The following COL10A1 variants were observed in gnomAD, a reference collection of about 807,000 sequenced individuals.
COL10A1 encodes the protein collagen alpha-1(X) chain.
Under a neutral mutation model 18.2 loss-of-function variants are expected in COL10A1, and 10 were observed. The ratio of observed to expected loss-of-function variants is 0.55; its 90% confidence interval spans 0.34 to 0.93. The LOEUF (loss-of-function observed/expected upper bound fraction) is 0.93, where lower values mean the gene tolerates loss of function less well. Among genes scored for constraint, COL10A1 ranks in the 40% least tolerant of loss-of-function variants. The probability of loss-of-function intolerance (pLI) is 0.02; values close to 1 mark genes in which losing one functional copy is unlikely to be tolerated. For synonymous variants in COL10A1, 330 were observed against 316.6 expected (o/e 1.04, Z -0.45); for missense variants, 897 against 853.5 (o/e 1.05, Z -0.64).
the COL10A1 span, among the ~76,000 whole-genome samples, chr6:116,174,782 A>T: frequency 1.3e-5 from 2 of 152,174 alleles, no homozygotes; most frequent in African/African-American, 4.8e-5. Context: ...CTACAATTCT[A>T]CCACTTGCTT....
the COL10A1 span, among the ~76,000 whole-genome samples, chr6:116,173,580 G>A: frequency 6.6e-6 from 1 of 152,122 alleles, no homozygotes; most frequent in African/African-American, 2.4e-5. Flanking sequence ...GCTCCTCAGG[G>A]TATGAGGAGC....
chr6:116,182,828 C>G, the COL10A1 span, among the ~76,000 whole-genome samples: 3 of 152,122 alleles, frequency 2.0e-5, no homozygotes, highest in East Asian at 5.8e-4. Context: ...TTTTTCCCCA[C>G]TCTGTGGGTT....
intron 1 of COL10A1, among the ~76,000 whole-genome samples, chr6:116,143,631 G>C (rs974978546): frequency 1.3e-5 from 2 of 152,170 alleles, no homozygotes; most frequent in African/African-American, 4.8e-5. Flanking sequence ...TAAGGAATGA[G>C]AGTGTGCCAT....
chr6:116,172,453 G>T, the COL10A1 span, among the ~76,000 whole-genome samples: 1 of 151,384 alleles, frequency 6.6e-6, no homozygotes, highest in South Asian at 2.1e-4. Context: ...TGCTGAGTAG[G>T]TAGGACTACA....
chr6:116,154,029 CTTT>C (rs34356532), intron 1 of COL10A1, among the ~76,000 whole-genome samples: 14 of 122,328 alleles, frequency 1.1e-4, no homozygotes, highest in Admixed American at 1.6e-4. Flanking sequence ...GGGAAGATTT[CTTT>C]TTTTTTTTTT....
Position 116,121,880 on chromosome 6 carries a change from G to T in COL10A1, c.236C>A (p.Pro79Gln). The T allele has an allele frequency of 6.2e-7, 1 of 1,614,002 alleles. No individual in the cohort carries two copies. Among genetic ancestry groups the T allele is most frequent in the South Asian group, 1.1e-5 (1 of 91,064 alleles). The change falls in exon 3 of 3, where the codon CCA becomes CAA. Residue 79 changes from proline to glutamine, a missense_variant. Pro to Gln is a moderately conservative substitution (Grantham distance 76, BLOSUM62 -1). Coordinates refer to ENST00000651968, the MANE Select transcript of COL10A1 (RefSeq NM_000493.4). ...GPRGHPGPSG[P>Q]PGKPGYGSPG... ...ACTTCCGTAGCCTGGTTTTCCTGGT[G>T]GTCCAGAAGGACCTGGGTGCCCTCG... is the stretch of plus-strand genomic sequence containing the variant.
At chr6:116,169,628 T>C in the COL10A1 span, among the ~76,000 whole-genome samples, 3 of 152,238 alleles carry the variant, frequency 2.0e-5, no homozygotes, top group Non-Finnish European at 4.4e-5. Context: ...TAGTACCTGC[T>C]ATCTGCTAAG....
chr6:116,120,253 T>G lies in COL10A1; in HGVS notation c.1863A>C (p.Val621=), dbSNP rs1779071926. Residue 621 remains valine, a synonymous_variant, in exon 3 of 3, where the codon GTA becomes GTC. Coordinates refer to ENST00000651968, the MANE Select transcript of COL10A1 (RefSeq NM_000493.4). ...WVGLYKNGTP[V]MYTYDEYTKG... is the part of the protein sequence containing the mutation. The stretch of plus-strand genomic sequence containing the variant: ...TGGTGTATTCATCATAGGTGTACAT[T>G]ACAGGGGTGCCATTCTTATACAGGC... 6.2e-7 allele frequency: 1 copy of G among 1,614,080 alleles called. No individual in the cohort carries two copies. Among genetic ancestry groups the G allele is most frequent in the Admixed American group, 1.7e-5 (1 of 60,004 alleles).
chr6:116,193,914 A>G, the COL10A1 span, among the ~76,000 whole-genome samples: 1 of 151,986 alleles, frequency 6.6e-6, no homozygotes, highest in Non-Finnish European at 1.5e-5. Context: ...AAATACAGAA[A>G]GTAGTCAGAT....
upstream of COL10A1, among the ~76,000 whole-genome samples, chr6:116,128,529 T>C (rs1295596416): frequency 6.6e-6 from 1 of 152,186 alleles, no homozygotes; most frequent in African/African-American, 2.4e-5. Context: ...TTTTCACATC[T>C]GGCAGTTAGC....
the COL10A1 span, among the ~76,000 whole-genome samples, chr6:116,216,271 A>G: frequency 9.9e-5 from 15 of 152,124 alleles, no homozygotes; most frequent in Admixed American, 5.3e-4. Context: ...GTGATTTCCA[A>G]TGAAGCAGGC....
the COL10A1 span, among the ~76,000 whole-genome samples, chr6:116,167,315 C>T: frequency 1.4e-4 from 21 of 149,118 alleles, no homozygotes; most frequent in Admixed American, 1.3e-3. Context: ...CAGGTTCCAG[C>T]GATTCTCCTG....
upstream of COL10A1, among the ~76,000 whole-genome samples, chr6:116,162,738 T>C (rs1374512140): frequency 5.9e-5 from 9 of 152,158 alleles, no homozygotes. Context: ...TAGTTTTCTG[T>C]TTTTGTGTTA....
chr6:116,145,169 T>A (rs1779865461), intron 1 of COL10A1, among the ~76,000 whole-genome samples: 1 of 152,164 alleles, frequency 6.6e-6, no homozygotes, highest in Admixed American at 6.5e-5. Flanking sequence ...CTCCTCACTC[T>A]GCAGTGAGAA....
At chr6:116,169,092 T>C in the COL10A1 span, among the ~76,000 whole-genome samples, 11 of 152,338 alleles carry the variant, frequency 7.2e-5, no homozygotes, top group East Asian at 1.7e-3. Flanking sequence ...TCTTAGGCTC[T>C]CCTTTACTTT....
chr6:116,149,452 C>G (rs1040135337), intron 1 of COL10A1, among the ~76,000 whole-genome samples: 1 of 152,120 alleles, frequency 6.6e-6, no homozygotes, highest in Non-Finnish European at 1.5e-5. Context: ...CCTGCCAGTA[C>G]TAAGAGAACA....
the COL10A1 span, among the ~76,000 whole-genome samples, chr6:116,194,487 C>T: frequency 2.0e-5 from 3 of 151,884 alleles, no homozygotes; most frequent in African/African-American, 4.8e-5. Flanking sequence ...GGGAGAATCA[C>T]TAATAGCCTA....
chr6:116,216,088 A>G, the COL10A1 span, among the ~76,000 whole-genome samples: 1 of 152,144 alleles, frequency 6.6e-6, no homozygotes, highest in Non-Finnish European at 1.5e-5. Context: ...AATCTAGAGT[A>G]CCATGCTTAA....
chr6:116,133,098 G>A (rs370976238), intron 1 of COL10A1, among the ~76,000 whole-genome samples: 6 of 152,236 alleles, frequency 3.9e-5, no homozygotes, highest in East Asian at 3.9e-4. Context: ...TCTGTTTTCC[G>A]TTATACACAA....
Sources: allele counts gnomAD v4.1 joint callset (sites outside exome capture counted in the v4.1 genomes callset), GRCh38; gene constraint gnomAD v4.1.1; transcripts MANE v1.5; gene names NCBI Gene and HGNC (gene_info 2026-07-23, HGNC 2026-07-21).